Variants in ZC3H12B observed in about 807,000 individuals in gnomAD.
The protein encoded by ZC3H12B is zinc finger CCCH-type containing 12B, also known as probable ribonuclease ZC3H12B.
Under a neutral mutation model 43.9 loss-of-function variants are expected in ZC3H12B, and 7 were observed. The ratio of observed to expected loss-of-function variants is 0.16; its 90% confidence interval spans 0.09 to 0.30. The LOEUF is 0.30. ZC3H12B is among the 10% of genes least tolerant of loss of function. ZC3H12B has a pLI of 1.00. For synonymous variants in ZC3H12B, 222 were observed against 241.7 expected (o/e 0.92, Z 0.76); for missense variants, 475 against 670.2 (o/e 0.71, Z 3.22).
the ZC3H12B span, among the ~76,000 whole-genome samples, chrX:65,060,915 A>G: frequency 1.8e-5 from 2 of 111,363 alleles, no homozygotes; most frequent in African/African-American, 6.5e-5. Flanking sequence ...TTACTCGTAG[A>G]CTTGTTACTA....
chrX:65,056,393 A>AG, the ZC3H12B span, among the ~76,000 whole-genome samples: 5 of 110,635 alleles, frequency 4.5e-5, no homozygotes, highest in Non-Finnish European at 9.5e-5. Flanking sequence ...CATGTAGTTG[A>AG]GCGGTTTTGA....
At chrX:65,458,511 C>A (rs2067672013) in intron 3 of ZC3H12B, among the ~76,000 whole-genome samples, 1 of 112,056 alleles carries the variant, frequency 8.9e-6, no homozygotes, top group Non-Finnish European at 1.9e-5. Context: ...CAAACTGTCT[C>A]TCAGACCACA....
chrX:65,457,504 G>T (rs1231305715), intron 3 of ZC3H12B, among the ~76,000 whole-genome samples: 1 of 86,429 alleles, frequency 1.2e-5, no homozygotes, highest in Non-Finnish European at 2.1e-5. Context: ...GCTTCTTCCC[G>T]GCCGCCCCTA....
the ZC3H12B span, chrX:65,357,156 C>A: frequency 2.2e-6 from 1 of 454,372 alleles, no homozygotes; most frequent in Non-Finnish European, 4.1e-6. Context: ...CTGAGGAGGC[C>A]ATTTCTTCAC....
the ZC3H12B span, among the ~76,000 whole-genome samples, chrX:65,088,301 CA>C: frequency 1.8e-5 from 2 of 111,385 alleles, no homozygotes; most frequent in African/African-American, 6.5e-5. Flanking sequence ...GGGGCTTTTG[CA>C]AACTACGCAG....
upstream of ZC3H12B, among the ~76,000 whole-genome samples, chrX:65,363,016 G>A (rs1034241935): frequency 1.0e-4 from 11 of 110,470 alleles, no homozygotes; most frequent in African/African-American, 2.0e-4. Context: ...GACTCTCTTC[G>A]CTTTCACTTG....
chrX:65,400,435 A>G (rs2066749717), intron 3 of ZC3H12B, among the ~76,000 whole-genome samples: 1 of 111,632 alleles, frequency 9.0e-6, no homozygotes, highest in Non-Finnish European at 1.9e-5. Flanking sequence ...ACTTATCTAT[A>G]TCTTGTTATT....
At chrX:65,426,803 TTTTAA>T (rs2067089161) in intron 3 of ZC3H12B, among the ~76,000 whole-genome samples, 2 of 112,376 alleles carry the variant, frequency 1.8e-5, no homozygotes, top group Admixed American at 1.9e-4. Flanking sequence ...TAATCTTGAT[TTTTAA>T]TTTGATTGCA....
the ZC3H12B span, among the ~76,000 whole-genome samples, chrX:65,130,772 G>A: frequency 9.0e-6 from 1 of 111,686 alleles, no homozygotes; most frequent in Non-Finnish European, 1.9e-5. Flanking sequence ...GAGATTGATA[G>A]GTGGAAGTTT....
the ZC3H12B span, among the ~76,000 whole-genome samples, chrX:65,231,974 G>A: frequency 9.0e-6 from 1 of 111,232 alleles, no homozygotes; most frequent in African/African-American, 3.3e-5. Flanking sequence ...GGTAGCTCAT[G>A]CCTGTAATCC....
the ZC3H12B span, among the ~76,000 whole-genome samples, chrX:65,234,732 G>C: frequency 1.8e-5 from 2 of 112,356 alleles, no homozygotes; most frequent in East Asian, 5.6e-4. Context: ...TGCAGGATGT[G>C]CAGGTGTGTT....
the ZC3H12B span, chrX:65,330,784 T>C: frequency 6.6e-6 from 1 of 150,407 alleles, no homozygotes; most frequent in East Asian, 1.9e-4. Context: ...AGCTTTTTGA[T>C]GTGTTGCTGG....
the ZC3H12B span, among the ~76,000 whole-genome samples, chrX:65,119,292 C>G: frequency 1.5e-3 from 168 of 111,341 alleles, no homozygotes; most frequent in African/African-American, 5.3e-3. Context: ...CCTATTTCTC[C>G]ACATCCTCTC....
chrX:65,244,727 C>CAAAA, the ZC3H12B span, among the ~76,000 whole-genome samples: 189 of 20,311 alleles, frequency 9.3e-3, 19 homozygotes, highest in African/African-American at 0.033. Flanking sequence ...AATACCTTGC[C>CAAAA]AAAAAAAAAA....
the ZC3H12B span, among the ~76,000 whole-genome samples, chrX:65,154,276 C>T: frequency 9.9e-5 from 11 of 111,222 alleles, no homozygotes; most frequent in Non-Finnish European, 1.5e-4. Flanking sequence ...TTTCTCATGC[C>T]GTACACAAAC....
the ZC3H12B span, among the ~76,000 whole-genome samples, chrX:65,123,560 T>C: frequency 4.5e-5 from 5 of 110,623 alleles, no homozygotes; most frequent in Non-Finnish European, 9.5e-5. Flanking sequence ...ATTTGTAGAA[T>C]GCTTTTGGCA....
upstream of ZC3H12B, among the ~76,000 whole-genome samples, chrX:65,362,536 T>A (rs1354292982): frequency 9.1e-6 from 1 of 110,344 alleles, no homozygotes; most frequent in Middle Eastern, 4.2e-3. Flanking sequence ...TTGCTGCCCT[T>A]TTCCCCAGTT....
At chrX:65,112,780 C>A in the ZC3H12B span, among the ~76,000 whole-genome samples, 1 of 111,568 alleles carries the variant, frequency 9.0e-6, no homozygotes, top group Non-Finnish European at 1.9e-5. Context: ...CTGAAGAGCT[C>A]TGATGGAGAT....
At chrX:65,273,579 G>A in the ZC3H12B span, among the ~76,000 whole-genome samples, 3 of 111,484 alleles carry the variant, frequency 2.7e-5, no homozygotes, top group Non-Finnish European at 3.8e-5. Context: ...AGAAACAAAT[G>A]GCCAGTCAAG....
Sources: allele counts gnomAD v4.1 joint callset (sites outside exome capture counted in the v4.1 genomes callset), GRCh38; gene constraint gnomAD v4.1.1; transcripts MANE v1.5; gene names NCBI Gene and HGNC (gene_info 2026-07-23, HGNC 2026-07-21).